The following FFAR4 variants were observed in gnomAD, a reference collection of about 807,000 sequenced individuals.
The protein encoded by FFAR4 is free fatty acid receptor 4.
A neutral mutation model predicts 27.0 loss-of-function variants in FFAR4; 19 were observed. That is an observed-to-expected ratio of 0.70 (90% CI 0.49 to 1.03). FFAR4 has a LOEUF of 1.03. FFAR4 is among the 50% of genes least tolerant of loss of function. The pLI, the probability that FFAR4 is intolerant of heterozygous loss-of-function variation, is 0.00. For synonymous variants in FFAR4, 254 were observed against 215.6 expected (o/e 1.18, Z -1.56); for missense variants, 476 against 479.0 (o/e 0.99, Z 0.06).
At position 93,567,282 on chromosome 10, in the gene FFAR4, G is replaced by A. The variant is rs900735889; in HGVS notation, c.562G>A (p.Asp188Asn). 6.3e-7 allele frequency: 1 copy of A among 1,598,178 alleles called. No homozygotes were observed. The highest frequency in any genetic ancestry group is 8.5e-7 in the Non-Finnish European group (1 of 1,179,268). Residue 188 changes from aspartate to asparagine, a missense_variant, in exon 1 of 3, where the codon GAC (aspartate) becomes AAC (asparagine). By Grantham distance (23) the Asp-to-Asn change is conservative (BLOSUM62 1). Transcript: ENST00000371481. ...RVVPQRLPGA[D>N]QEISICTLIW... ...CGTCCCGCAACGGCTCCCCGGCGCC[G>A]ACCAGGTGAGCGCCCCTCTGTGTGT... is the stretch of plus-strand genomic sequence containing the variant.
At chr10:93,578,809 T>A (rs915188858) in intron 2 of FFAR4, among the ~76,000 whole-genome samples, 2 of 152,138 alleles carry the variant, frequency 1.3e-5, no homozygotes, top group Admixed American at 6.5e-5. Flanking sequence ...CAGCCCAGAT[T>A]TGGAGCACAT....
chr10:93,573,592 G>C (rs969033523), intron 1 of FFAR4, among the ~76,000 whole-genome samples: 3 of 152,196 alleles, frequency 2.0e-5, no homozygotes, highest in Admixed American at 1.3e-4. Context: ...AGACCAGACA[G>C]TGCATTTAGT....
Position 93,567,225 on chromosome 10 carries a change from G to C in FFAR4, c.505G>C (p.Ala169Pro). The part of the protein sequence containing the change: ...LALIWGYSAV[A>P]ALPLCVFFRV... ...GCTCATCTGGGGCTATTCGGCGGTC[G>C]CCGCTCTGCCTCTCTGCGTCTTCTT... is the stretch of plus-strand genomic sequence containing the variant. The change falls in exon 1 of 3, where the codon GCC becomes CCC. Residue 169 changes from alanine (A) to proline (P), a missense_variant. Ala to Pro is a conservative substitution (Grantham distance 27). Transcript: ENST00000371481. 6.2e-7 allele frequency: 1 copy of C among 1,601,324 alleles called. No homozygotes were observed. Among genetic ancestry groups the C allele is most frequent in the Non-Finnish European group, 8.5e-7 (1 of 1,179,508 alleles).
Position 93,567,157 on chromosome 10 carries a change from G to T in FFAR4, c.437G>T (p.Gly146Val). 1 of 1,605,184 alleles carries T rather than the reference G, an allele frequency of 6.2e-7. No homozygotes were observed. The highest frequency in any genetic ancestry group is 1.1e-5 in the South Asian group (1 of 90,720). Residue 146 changes from glycine (G) to valine (V), a missense_variant, in exon 1 of 3, where the codon GGC (glycine) becomes GTC (valine). Gly to Val is a moderately radical substitution (Grantham distance 109). Coordinates refer to ENST00000371481, the MANE Select transcript of FFAR4 (RefSeq NM_001195755.2). ...GTGTGCATCGTGCACCTGCAGCGCGGCGTGCGGGGTCCTGGGCGGCGGGCG... is the reference window on the plus strand; with the variant it reads ...GTGTGCATCGTGCACCTGCAGCGCGTCGTGCGGGGTCCTGGGCGGCGGGCG... Reference protein sequence around the residue: ...RMVCIVHLQRGVRGPGRRARA... With the variant: ...RMVCIVHLQRVVRGPGRRARA...
At chr10:93,569,895 C>T (rs2058122228) in intron 1 of FFAR4, among the ~76,000 whole-genome samples, 1 of 151,766 alleles carries the variant, frequency 6.6e-6, no homozygotes, top group African/African-American at 2.4e-5. Context: ...CCCATCTCTA[C>T]TAAAAATACA....
At chr10:93,585,682 G>T (rs2058222982) in intron 2 of FFAR4, among the ~76,000 whole-genome samples, 1 of 152,172 alleles carries the variant, frequency 6.6e-6, no homozygotes, top group African/African-American at 2.4e-5. Flanking sequence ...TGAGGTGGTT[G>T]CCCCCTTCTG....
chr10:93,582,007 G>A (rs192015690), intron 2 of FFAR4, among the ~76,000 whole-genome samples: 1 of 152,286 alleles, frequency 6.6e-6, no homozygotes, highest in Non-Finnish European at 1.5e-5. Flanking sequence ...GGCTTGTTCT[G>A]TGGATTAGGA....
At chr10:93,580,370 GT>G (rs2058190339) in intron 2 of FFAR4, among the ~76,000 whole-genome samples, 2 of 152,172 alleles carry the variant, frequency 1.3e-5, no homozygotes, top group Admixed American at 6.5e-5. Context: ...TGTAACCCAG[GT>G]CTCATCTCCA....
At chr10:93,577,918 A>T (rs1179166839) in intron 2 of FFAR4, among the ~76,000 whole-genome samples, 1 of 152,120 alleles carries the variant, frequency 6.6e-6, no homozygotes, top group Admixed American at 6.5e-5. Context: ...GCTTGGGGGA[A>T]GGGAGGTGGG....
intron 1 of FFAR4, among the ~76,000 whole-genome samples, chr10:93,572,532 C>T (rs190280879): frequency 1.2e-3 from 185 of 152,216 alleles, no homozygotes; most frequent in Non-Finnish European, 2.1e-3. Flanking sequence ...TGGTGATGGC[C>T]TGGTCTTGGT....
At chr10:93,579,106 C>T (rs529537238) in intron 2 of FFAR4, 30 of 1,548,794 alleles carry the variant, frequency 1.9e-5, no homozygotes, top group East Asian at 1.6e-4. Flanking sequence ...AGTTTACTCT[C>T]GAAGCACCTT....
chr10:93,575,085 A>G lies in FFAR4; in HGVS notation c.568-1006A>G, dbSNP rs183333337. On this transcript the variant is annotated intron_variant, in intron 1 of 2. Coordinates refer to ENST00000371481, the MANE Select transcript of FFAR4 (RefSeq NM_001195755.2). ...TGAATGAATGAATGAATGGTACTTC[A>G]GATGATCATGCTACTCCTAGACATT... Among the ~76,000 whole-genome samples the G allele has an allele frequency of 6.6e-3, 1,001 of 152,364 alleles. 6 individuals are homozygous for G. The highest frequency in any genetic ancestry group is 0.014 in the Middle Eastern group (4 of 294).
chr10:93,575,167 G>C (rs962333736), intron 1 of FFAR4, among the ~76,000 whole-genome samples: 1 of 152,180 alleles, frequency 6.6e-6, no homozygotes, highest in African/African-American at 2.4e-5. Flanking sequence ...CACAGCACGT[G>C]CTCTTAAAAA....
At position 93,567,307 on chromosome 10, in the gene FFAR4, T is replaced by C. The variant is rs902547910; in HGVS notation, c.567+20T>C. ...GACCAGGTGAGCGCCCCTCTGTGTG[T>C]GCCGGGCAGGTGTCCTGCGCAGGCT... On this transcript the variant is annotated intron_variant, in intron 1 of 2. Transcript: ENST00000371481. 10 of 1,593,122 alleles carry C rather than the reference T, an allele frequency of 6.3e-6. No homozygotes were observed. The African/African-American group carries it at 8.0e-5, about 13-fold the overall frequency.
chr10:93,578,366 G>A (rs571105469), intron 2 of FFAR4, among the ~76,000 whole-genome samples: 5 of 137,790 alleles, frequency 3.6e-5, no homozygotes, highest in South Asian at 2.4e-4. Context: ...GCAGTAAGCC[G>A]AGATCGTGCC....
At chr10:93,587,086 G>A (rs1052941029) in intron 2 of FFAR4, 134 bp from the exon 3 acceptor site, 8 of 720,420 alleles carry the variant, frequency 1.1e-5, no homozygotes, top group African/African-American at 5.4e-5. Context: ...TCCTAAGCTC[G>A]GGCACACAAA....
rs185856884 is a variant in FFAR4 at position 93,583,145 on chromosome 10, G to A, written c.697-4075G>A. 3.3e-5 allele frequency among the ~76,000 whole-genome samples: 5 copies of A among 151,270 alleles called. No individual in the cohort carries two copies. In the East Asian group the frequency reaches 9.8e-4, roughly 30 times the overall value. On this transcript the variant is annotated intron_variant, in intron 2 of 2. Coordinates refer to ENST00000371481, the MANE Select transcript of FFAR4 (RefSeq NM_001195755.2). Reference sequence around the variant, plus strand: ...GGGCCGGGCGCGGTGGCTCAAGTCTGTAATCCTAGCACTTTGGGAGGCCAA... The same window carrying A: ...GGGCCGGGCGCGGTGGCTCAAGTCTATAATCCTAGCACTTTGGGAGGCCAA...
intron 2 of FFAR4, among the ~76,000 whole-genome samples, chr10:93,580,778 A>G (rs1029670316): frequency 5.3e-5 from 8 of 152,144 alleles, no homozygotes; most frequent in African/African-American, 1.9e-4. Context: ...CCTACTGCCC[A>G]CCCTTCAGGG....
Position 93,566,876 on chromosome 10 carries a change from A to T in FFAR4, c.156A>T (p.Ala52=). Residue 52 remains alanine, a synonymous_variant, in exon 1 of 3, where the codon GCA becomes GCT. Coordinates refer to ENST00000371481, the MANE Select transcript of FFAR4 (RefSeq NM_001195755.2). ...CAACCGTGCTGGTGCTCATCTTTGC[A>T]GTGTCGCTGCTGGGCAACGTGTGCG... is the stretch of plus-strand genomic sequence containing the variant. ...VETTVLVLIF[A]VSLLGNVCAL... 1 of 1,603,596 alleles carries T rather than the reference A, an allele frequency of 6.2e-7. No individual in the cohort carries two copies. Among genetic ancestry groups the T allele is most frequent in the East Asian group, 2.3e-5 (1 of 44,188 alleles).
Sources: allele counts gnomAD v4.1 joint callset (sites outside exome capture counted in the v4.1 genomes callset), GRCh38; gene constraint gnomAD v4.1.1; transcripts MANE v1.5; gene names NCBI Gene and HGNC (gene_info 2026-07-23, HGNC 2026-07-21).